PTPN6: variants seen among roughly 807,000 people sequenced by gnomAD.
PTPN6 encodes tyrosine-protein phosphatase non-receptor type 6.
In PTPN6, 18 loss-of-function variants were observed where a neutral mutation model predicts 81.5. The ratio of observed to expected loss-of-function variants is 0.22; its 90% CI spans 0.15 to 0.33. PTPN6 has a LOEUF of 0.33. Among genes scored for constraint, PTPN6 ranks in the 10% least tolerant of loss-of-function variants. PTPN6 has a pLI of 1.00. For synonymous variants in PTPN6, 301 were observed against 310.9 expected (o/e 0.97, Z 0.33); for missense variants, 500 against 794.2 (o/e 0.63, Z 4.45).
rs782671210 is a variant in PTPN6 at position 6,956,537 on chromosome 12, T to C, written c.1043T>C (p.Val348Ala). The C allele has an allele frequency of 6.2e-7, 1 of 1,613,876 alleles. No individual in the cohort carries two copies. The highest frequency in any genetic ancestry group is 8.5e-7 in the Non-Finnish European group (1 of 1,179,990). ...TGGCAGGAGAACAGCCGTGTCATCG[T>C]CATGACCACCCGAGAGGTGGAGAAA... is the stretch of plus-strand genomic sequence containing the variant. ...MAWQENSRVI[V>A]MTTREVEKGR... Residue 348 changes from valine (V) to alanine (A), a missense_variant, in exon 9 of 16, where the codon GTC (valine) becomes GCC (alanine). Coordinates refer to ENST00000318974, the MANE Select transcript of PTPN6 (RefSeq NM_002831.6). The surrounding 1 kb of genome is among the most constrained non-coding windows in gnomAD (Gnocchi z 4.1).
chr12:6,957,582 A>G lies in PTPN6; in HGVS notation c.1075-72A>G, dbSNP rs1555148910. 6 of 1,568,794 alleles carry G rather than the reference A, an allele frequency of 3.8e-6. No individual in the cohort carries two copies. In the Admixed American group the frequency reaches 1.0e-4, roughly 27 times the overall value. ...TGGGCCGGTGCCAGGCACTCAGAAC[A>G]TAGAGCAGGACCTGGGATGGGCCAC... On this transcript the variant is annotated intron_variant, in intron 9 of 15. Transcript: ENST00000318974. The surrounding 1 kb of genome is among the most constrained non-coding windows in gnomAD (Gnocchi z 6.5).
Position 6,951,820 on chromosome 12 carries a change from A to G in PTPN6, c.131+89A>G. The G allele has an allele frequency of 6.3e-7, 1 of 1,595,342 alleles. No homozygotes were observed. Among genetic ancestry groups the G allele is most frequent in the Admixed American group, 1.7e-5 (1 of 59,980 alleles). On this transcript the variant is annotated intron_variant, in intron 2 of 15. Coordinates refer to ENST00000318974, the MANE Select transcript of PTPN6 (RefSeq NM_002831.6). This position sits in a 1 kb window ranked among gnomAD's most constrained non-coding sequence, Gnocchi z 7.2. ...CCACTCATTCCTGGTTCCCCGTGGC[A>G]GTGCTGACTCCCCGTCTGTTCCCTT... is the stretch of plus-strand genomic sequence containing the variant.
chr12:6,951,154 A>G (rs1799740913), upstream of PTPN6: 1 of 1,140,878 alleles, frequency 8.8e-7, no homozygotes, highest in Admixed American at 3.3e-5. The surrounding 1 kb of genome is among the most constrained non-coding windows in gnomAD (Gnocchi z 7.2). Flanking sequence ...TCCTTACTGC[A>G]TGTGTTGTCA....
In PTPN6 at chr12:6,956,529, T is replaced by A. The variant is rs781964882; in HGVS notation, c.1035T>A (p.Arg345=). Residue 345 remains arginine (R), a synonymous_variant, in exon 9 of 16, where the codon CGT becomes CGA. Coordinates refer to ENST00000318974, the MANE Select transcript of PTPN6 (RefSeq NM_002831.6). The surrounding 1 kb of genome is among the most constrained non-coding windows in gnomAD (Gnocchi z 4.1). ...AGATGGCGTGGCAGGAGAACAGCCG[T>A]GTCATCGTCATGACCACCCGAGAGG... is the stretch of plus-strand genomic sequence containing the variant. The part of the protein sequence containing the change: ...FWQMAWQENS[R]VIVMTTREVE... The A allele has an allele frequency of 6.2e-7, 1 of 1,613,874 alleles. No homozygotes were observed. Among genetic ancestry groups the A allele is most frequent in the Admixed American group, 1.7e-5 (1 of 60,028 alleles).
Position 6,959,884 on chromosome 12 carries a change from G to T in PTPN6, c.1362-43G>T. The T allele has an allele frequency of 6.2e-7, 1 of 1,606,290 alleles. No homozygotes were observed. The highest frequency in any genetic ancestry group is 2.3e-4 in the Middle Eastern group (1 of 4,426). ...AGCGCTGGGTACCCCCCTTCCCGGG[G>T]AGGGCTTGACTGGCCTCTGATGGCA... On this transcript the variant is annotated intron_variant, in intron 11 of 15. Transcript: ENST00000318974. This position sits in a 1 kb window ranked among gnomAD's most constrained non-coding sequence, Gnocchi z 6.6.
At chr12:6,947,772 A>G (rs1945853727), upstream of PTPN6, among the ~76,000 whole-genome samples, 1 of 151,740 alleles carries the variant, frequency 6.6e-6, no homozygotes, top group African/African-American at 2.4e-5. Context: ...GGCCTTCCCG[A>G]GGAGGTGACA....
rs149935840 is a variant in PTPN6 at position 6,959,008 on chromosome 12, C to T, written c.1362-919C>T. 2.6e-5 allele frequency among the ~76,000 whole-genome samples: 4 copies of T among 152,188 alleles called. No homozygotes were observed. The highest frequency in any genetic ancestry group is 1.9e-4 in the East Asian group (1 of 5,200). ...AGGGGAATGGGAACCTGCCTTGCCC[C>T]GGTCCCTTCCCACTCCCTCCGTGGA... On this transcript the variant is annotated intron_variant, in intron 11 of 15. Transcript: ENST00000318974. This position sits in a 1 kb window ranked among gnomAD's most constrained non-coding sequence, Gnocchi z 6.6.
rs367730757 is a variant in PTPN6, at chr12:6,960,270, G to T, written c.1581+31G>T. 1.4e-5 allele frequency: 22 copies of T among 1,605,240 alleles called. No individual in the cohort carries two copies. Among genetic ancestry groups the T allele is most frequent in the African/African-American group, 5.4e-5 (4 of 74,256 alleles). ...TGCAGAGCAGGGCCTGGGGGGGGGG[G>T]GGGCTGCAGTGCAGGATGGGTGCCA... On this transcript the variant is annotated intron_variant, in intron 13 of 15. Transcript: ENST00000318974. This position sits in a 1 kb window ranked among gnomAD's most constrained non-coding sequence, Gnocchi z 6.1.
chr12:6,948,610 A>G (rs1328508619), upstream of PTPN6, among the ~76,000 whole-genome samples: 1 of 151,870 alleles, frequency 6.6e-6, no homozygotes, highest in African/African-American at 2.4e-5. Context: ...AAAGGAAAGA[A>G]AAAGAAAAAG....
Position 6,952,197 on chromosome 12 carries a change from G to T in PTPN6, c.326+20G>T. 1.9e-6 allele frequency: 3 copies of T among 1,612,630 alleles called. No individual in the cohort carries two copies. Among genetic ancestry groups the T allele is most frequent in the Non-Finnish European group, 2.5e-6 (3 of 1,179,706 alleles). ...TGAGAGGTGAGGGCTCCGCACCCCC[G>T]CCATTCCCAAGCAGGGATGAGCCGG... On this transcript the variant is annotated intron_variant, in intron 3 of 15. Coordinates refer to ENST00000318974, the MANE Select transcript of PTPN6 (RefSeq NM_002831.6). The surrounding 1 kb of genome is among the most constrained non-coding windows in gnomAD (Gnocchi z 8.1).
Position 6,952,600 on chromosome 12 carries a change from CTG to C in PTPN6, c.326+424_326+425del, listed in dbSNP as rs782581807. On this transcript the variant is annotated intron_variant, in intron 3 of 15. Coordinates refer to ENST00000318974, the MANE Select transcript of PTPN6 (RefSeq NM_002831.6). This position sits in a 1 kb window ranked among gnomAD's most constrained non-coding sequence, Gnocchi z 8.1. ...ATGTTAGGACAGTGAGGAGCTGACACTGGGGTGAAGATGGGGATGAATGCTTG... is the reference window on the plus strand; with the variant it reads ...ATGTTAGGACAGTGAGGAGCTGACACGGGTGAAGATGGGGATGAATGCTTG... 102 of 282,196 alleles carry C rather than the reference CTG, an allele frequency of 3.6e-4. No individual in the cohort carries two copies. Among genetic ancestry groups the C allele is most frequent in the African/African-American group, 2.1e-3 (98 of 45,922 alleles). 17.5% of individuals were successfully genotyped at this position (282,196 alleles called of 1,614,324 possible).
chr12:6,959,880 C>A lies in PTPN6; in HGVS notation c.1362-47C>A. The A allele has an allele frequency of 5.0e-6, 8 of 1,603,100 alleles. No homozygotes were observed. Among genetic ancestry groups the A allele is most frequent in the Non-Finnish European group, 6.8e-6 (8 of 1,173,292 alleles). ...GCTGAGCGCTGGGTACCCCCCTTCC[C>A]GGGGAGGGCTTGACTGGCCTCTGAT... is the stretch of plus-strand genomic sequence containing the variant. On this transcript the variant is annotated intron_variant, in intron 11 of 15. Coordinates refer to ENST00000318974, the MANE Select transcript of PTPN6 (RefSeq NM_002831.6). The surrounding 1 kb of genome is among the most constrained non-coding windows in gnomAD (Gnocchi z 6.6).
chr12:6,959,793 C>T lies in PTPN6; in HGVS notation c.1362-134C>T. The T allele has an allele frequency of 2.1e-6, 2 of 944,146 alleles. No homozygotes were observed. The highest frequency in any genetic ancestry group is 2.4e-5 in the East Asian group (1 of 41,664). The allele number at this position is 944,146 out of a possible 1,614,324, so 58.5% of individuals were successfully genotyped here. A position where few individuals can be genotyped will look rare whatever the true frequency, so the allele number is the denominator to read the frequency against. The stretch of plus-strand genomic sequence containing the variant: ...CCTCCATCATCACTTGCCCGGTGAC[C>T]CTGGGCACATTCCCTCCCATCACTG... On this transcript the variant is annotated intron_variant, in intron 11 of 15. Transcript: ENST00000318974. The surrounding 1 kb of genome is among the most constrained non-coding windows in gnomAD (Gnocchi z 6.6).
Position 6,960,261 on chromosome 12 carries a change from G to GAGA in PTPN6, c.1581+22_1581+23insAGA, listed in dbSNP as rs372562559. On this transcript the variant is annotated intron_variant, in intron 13 of 15. Coordinates refer to ENST00000318974, the MANE Select transcript of PTPN6 (RefSeq NM_002831.6). This position sits in a 1 kb window ranked among gnomAD's most constrained non-coding sequence, Gnocchi z 6.1. ...GCAGGTGCGTGCAGAGCAGGGCCTG[G>GAGA]GGGGGGGGGGGGCTGCAGTGCAGGA... 1.7e-4 allele frequency: 227 copies of GAGA among 1,317,692 alleles called. No individual in the cohort carries two copies. The highest frequency in any genetic ancestry group is 1.2e-3 in the African/African-American group (66 of 55,700). 81.6% of individuals were successfully genotyped at this position (1,317,692 alleles called of 1,614,324 possible).
chr12:6,958,315 C>T (rs148433040), intron 11 of PTPN6, among the ~76,000 whole-genome samples: 55 of 152,318 alleles, frequency 3.6e-4, no homozygotes, highest in African/African-American at 1.2e-3. Context: ...TGTACCATCT[C>T]GCCCAACCCT....
upstream of PTPN6, among the ~76,000 whole-genome samples, chr12:6,947,448 T>C (rs1230050697): frequency 3.3e-5 from 5 of 152,180 alleles, no homozygotes; most frequent in Admixed American, 6.5e-5. Context: ...GGCGAGAGGA[T>C]TGCTTGAGCC....
upstream of PTPN6, among the ~76,000 whole-genome samples, chr12:6,948,802 G>A (rs142070429): frequency 2.2e-3 from 328 of 151,942 alleles, 2 homozygotes; most frequent in African/African-American, 7.6e-3. Context: ...AAATTAGGCT[G>A]GCACAGTGGT....
Position 6,955,281 on chromosome 12 carries a change from C to G in PTPN6, c.633+14C>G. ...TACCTGCGGCAGGTCAGGGGTGGGC[C>G]CAGCTGCCTCCCCACTTCCCCTGAG... On this transcript the variant is annotated intron_variant, in intron 5 of 15. Transcript: ENST00000318974. This position sits in a 1 kb window ranked among gnomAD's most constrained non-coding sequence, Gnocchi z 7.2. 1.2e-6 allele frequency: 2 copies of G among 1,612,500 alleles called. No individual in the cohort carries two copies. Among genetic ancestry groups the G allele is most frequent in the Non-Finnish European group, 1.7e-6 (2 of 1,178,496 alleles).
Position 6,952,463 on chromosome 12 carries a change from G to A in PTPN6, c.326+286G>A. 2 of 525,020 alleles carry A rather than the reference G, an allele frequency of 3.8e-6. No homozygotes were observed. The highest frequency in any genetic ancestry group is 4.2e-5 in the South Asian group (2 of 48,062). 32.5% of individuals were successfully genotyped at this position (525,020 alleles called of 1,614,324 possible). A position where few individuals can be genotyped will look rare whatever the true frequency, so the allele number is the denominator to read the frequency against. ...TGCAACCCAGGTCCCACTGGAGACAGGGAGGCCACTGCTGGTGGCCAGCAT... is the reference window on the plus strand; with the variant it reads ...TGCAACCCAGGTCCCACTGGAGACAAGGAGGCCACTGCTGGTGGCCAGCAT... On this transcript the variant is annotated intron_variant, in intron 3 of 15. Transcript: ENST00000318974. The surrounding 1 kb of genome is among the most constrained non-coding windows in gnomAD (Gnocchi z 8.1).
Sources: allele counts gnomAD v4.1 joint callset (sites outside exome capture counted in the v4.1 genomes callset), GRCh38; gene constraint gnomAD v4.1.1; non-coding constraint Gnocchi (gnomAD v3.1); transcripts MANE v1.5; gene names NCBI Gene and HGNC (gene_info 2026-07-23, HGNC 2026-07-21).